The following PRIM2 variants were observed in gnomAD, a reference collection of about 807,000 sequenced individuals.
PRIM2 encodes DNA primase subunit 2, also known as DNA primase large subunit.
PRIM2 carries 39 observed loss-of-function variants against 67.3 expected under a neutral mutation model. The observed-to-expected ratio is 0.58, with a 90% CI of 0.45 to 0.76. The LOEUF (loss-of-function observed/expected upper bound fraction) is 0.76, where lower values mean the gene tolerates loss of function less well. PRIM2 is among the 30% of genes least tolerant of loss of function. The pLI is 0.00. For synonymous variants in PRIM2, 143 were observed against 198.7 expected (o/e 0.72, Z 2.36); for missense variants, 398 against 598.7 (o/e 0.66, Z 3.50).
the PRIM2 span, among the ~76,000 whole-genome samples, chr6:57,284,240 T>C: frequency 1.3e-5 from 2 of 152,190 alleles, no homozygotes; most frequent in African/African-American, 4.8e-5. Context: ...TAAAATTTAT[T>C]GTACTTAAAT....
At chr6:57,432,179 A>G (rs1470422977) in intron 7 of PRIM2, among the ~76,000 whole-genome samples, 2 of 152,130 alleles carry the variant, frequency 1.3e-5, no homozygotes, top group Non-Finnish European at 2.9e-5. Context: ...CAACAATTGG[A>G]CTAAATGAAG....
chr6:57,332,859 T>C (rs1768099028), intron 5 of PRIM2, among the ~76,000 whole-genome samples: 1 of 152,174 alleles, frequency 6.6e-6, no homozygotes, highest in African/African-American at 2.4e-5. Context: ...GATTGTTTTA[T>C]CCATTTATGT....
intron 1 of PRIM2, 60 bp from the exon 2 acceptor site, chr6:57,318,377 T>G (rs1357679855): frequency 7.0e-7 from 1 of 1,437,710 alleles, no homozygotes; most frequent in Admixed American, 2.6e-5. Context: ...GTGTTTTTTC[T>G]TTTTTTTCCC....
intron 7 of PRIM2, among the ~76,000 whole-genome samples, chr6:57,422,158 C>CTTTTTTTTTTCTT: frequency 9.7e-6 from 1 of 103,326 alleles, no homozygotes; most frequent in South Asian, 3.7e-4. Flanking sequence ...TCTTTTCTTT[C>CTTTTTTTTTTCTT]TTTTTTTTTT....
chr6:57,224,881 T>A, the PRIM2 span, among the ~76,000 whole-genome samples: 1 of 152,342 alleles, frequency 6.6e-6, no homozygotes, highest in African/African-American at 2.4e-5. Flanking sequence ...AACACTCTGC[T>A]TTTCCTATTT....
intron 7 of PRIM2, among the ~76,000 whole-genome samples, chr6:57,471,590 G>A (rs1474491884): frequency 6.6e-6 from 1 of 152,174 alleles, no homozygotes; most frequent in Non-Finnish European, 1.5e-5. Flanking sequence ...AGTCACTGCT[G>A]TTAGCTACAT....
the PRIM2 span, among the ~76,000 whole-genome samples, chr6:57,264,594 C>CTT: frequency 2.6e-3 from 273 of 106,978 alleles, 1 homozygote; most frequent in African/African-American, 3.2e-3. Flanking sequence ...AAGTCAAACG[C>CTT]TTTTTTTTTT....
At chr6:57,237,843 G>C in the PRIM2 span, among the ~76,000 whole-genome samples, 1 of 152,168 alleles carries the variant, frequency 6.6e-6, no homozygotes, top group East Asian at 1.9e-4. Flanking sequence ...TTGAAATCAG[G>C]TAGCGTGATG....
intron 2 of PRIM2, among the ~76,000 whole-genome samples, chr6:57,320,124 C>T (rs544707007): frequency 6.6e-6 from 1 of 152,286 alleles, no homozygotes; most frequent in East Asian, 1.9e-4. Flanking sequence ...AGCTCCCATA[C>T]GAAGGATGCA....
At chr6:57,435,991 G>A (rs1172206709) in intron 7 of PRIM2, among the ~76,000 whole-genome samples, 1 of 152,102 alleles carries the variant, frequency 6.6e-6, no homozygotes, top group Non-Finnish European at 1.5e-5. Context: ...ACATTCAGAG[G>A]CTAGGAAAAT....
At position 57,617,746 on chromosome 6, in the gene PRIM2, A is replaced by G. The variant is rs1483029727; in HGVS notation, c.1230+11289A>G. Among the ~76,000 whole-genome samples, 7 of 152,206 alleles carry G rather than the reference A, an allele frequency of 4.6e-5. No homozygotes were observed. The South Asian group carries it at 1.5e-3, about 32-fold the overall frequency. ...CTTAATGTCTATTGGTGGACAAAAG[A>G]TTTTAATTTTGATGAAGTTTGTTTT... On this transcript the variant is annotated intron_variant, in intron 12 of 13. Transcript: ENST00000615550.
chr6:57,506,081 T>C (rs1289484093), intron 7 of PRIM2, among the ~76,000 whole-genome samples: 11 of 150,912 alleles, frequency 7.3e-5, no homozygotes, highest in Non-Finnish European at 1.0e-4. Context: ...TAACATCTTA[T>C]ATGTTACATA....
the PRIM2 span, among the ~76,000 whole-genome samples, chr6:57,245,482 A>C: frequency 3.3e-5 from 5 of 152,270 alleles, no homozygotes; most frequent in African/African-American, 1.2e-4. Flanking sequence ...TTGGTAACCA[A>C]ATTGCCAAGT....
chr6:57,236,057 T>C, the PRIM2 span, among the ~76,000 whole-genome samples: 1 of 152,214 alleles, frequency 6.6e-6, no homozygotes, highest in African/African-American at 2.4e-5. Flanking sequence ...TGTGTTGTCT[T>C]AGAGCACTAC....
intron 10 of PRIM2, among the ~76,000 whole-genome samples, chr6:57,561,766 T>G (rs1208622154): frequency 6.6e-6 from 1 of 152,230 alleles, no homozygotes; most frequent in Non-Finnish European, 1.5e-5. Context: ...AAAAACTTTT[T>G]TTTTACATTC....
At chr6:57,521,367 G>GTTTTTTTT (rs1163114437) in intron 8 of PRIM2, among the ~76,000 whole-genome samples, 50 of 97,956 alleles carry the variant, frequency 5.1e-4, no homozygotes, top group African/African-American at 1.7e-3. Flanking sequence ...TGTGGTTAGG[G>GTTTTTTTT]TTTTTTTTTT....
chr6:57,429,250 C>T (rs1734015895), intron 7 of PRIM2, among the ~76,000 whole-genome samples: 1 of 152,140 alleles, frequency 6.6e-6, no homozygotes, highest in African/African-American at 2.4e-5. Context: ...ATATTTATAG[C>T]CAAGGAGCAG....
chr6:57,584,314 T>C (rs1776152814), intron 10 of PRIM2, among the ~76,000 whole-genome samples: 2 of 152,198 alleles, frequency 1.3e-5, no homozygotes, highest in South Asian at 2.1e-4. Context: ...TCCATTTTCC[T>C]CTGATGATTA....
At chr6:57,334,363 A>G (rs1768153113) in intron 5 of PRIM2, among the ~76,000 whole-genome samples, 1 of 152,200 alleles carries the variant, frequency 6.6e-6, no homozygotes, top group African/African-American at 2.4e-5. Context: ...ATAGTGCTGC[A>G]GTAAATATGG....
Sources: allele counts gnomAD v4.1 joint callset (sites outside exome capture counted in the v4.1 genomes callset), GRCh38; gene constraint gnomAD v4.1.1; transcripts MANE v1.5; gene names NCBI Gene and HGNC (gene_info 2026-07-23, HGNC 2026-07-21).